PTPRO: variants seen among roughly 807,000 people sequenced by gnomAD.
The protein encoded by PTPRO is protein tyrosine phosphatase receptor type O.
In PTPRO, 62 loss-of-function variants were observed where a neutral mutation model predicts 145.2. The ratio of observed to expected loss-of-function variants is 0.43; its 90% CI spans 0.35 to 0.53. The LOEUF is 0.53. Ranked by LOEUF, PTPRO falls within the 20% of genes least tolerant of loss-of-function variation. The pLI, the probability that PTPRO is intolerant of heterozygous loss-of-function variation, is 0.01. For missense variants in PTPRO, 1,345 were observed against 1,482.7 expected, an observed-to-expected ratio of 0.91 and a Z score of 1.53; for synonymous variants, 565 against 514.7, an observed-to-expected ratio of 1.10 and a Z score of -1.32.
intron 19 of PTPRO, among the ~76,000 whole-genome samples, chr12:15,578,615 G>GT (rs1207170059): frequency 6.6e-6 from 1 of 152,182 alleles, no homozygotes; most frequent in Non-Finnish European, 1.5e-5. Flanking sequence ...TAGATGGCAG[G>GT]CACACAAGAG....
At chr12:15,390,776 G>A (rs1367079864) in intron 1 of PTPRO, among the ~76,000 whole-genome samples, 1 of 151,788 alleles carries the variant, frequency 6.6e-6, no homozygotes. Flanking sequence ...TGGTCTGAGA[G>A]GATAAGAAAT....
rs373297541 is a variant in PTPRO, at chr12:15,507,083, G to T, written c.1268-1488G>T. ...CTCAGTTTTCACATCTGAAAAGTGAGATTTAATAAAAGTACTTATTTCATT... is the reference window on the plus strand; with the variant it reads ...CTCAGTTTTCACATCTGAAAAGTGATATTTAATAAAAGTACTTATTTCATT... On this transcript the variant is annotated intron_variant, in intron 6 of 26. Transcript: ENST00000281171. 2.6e-5 allele frequency among the ~76,000 whole-genome samples: 4 copies of T among 152,070 alleles called. No homozygotes were observed. In the East Asian group the frequency reaches 7.7e-4, roughly 29 times the overall value.
chr12:15,531,264 A>G lies in PTPRO; in HGVS notation c.2164+5002A>G, dbSNP rs142586935. On this transcript the variant is annotated intron_variant, in intron 12 of 26. Transcript: ENST00000281171. ...CAGGTCCTGATGGCTTGACCCCTGA[A>G]TTTCACCAGACATTTAAAGAAGGAC... 2.6e-4 allele frequency among the ~76,000 whole-genome samples: 40 copies of G among 152,256 alleles called. 1 individual carries two copies. The highest frequency in any genetic ancestry group is 9.4e-4 in the African/African-American group (39 of 41,582).
intron 23 of PTPRO, among the ~76,000 whole-genome samples, chr12:15,584,320 T>C (rs1053275418): frequency 2.0e-5 from 3 of 152,374 alleles, no homozygotes; most frequent in Non-Finnish European, 4.4e-5. Flanking sequence ...CTGTTTTTTG[T>C]TCTTAGATAT....
chr12:15,472,664 C>T (rs976708711), intron 1 of PTPRO, among the ~76,000 whole-genome samples: 1 of 152,322 alleles, frequency 6.6e-6, no homozygotes, highest in South Asian at 2.1e-4. Flanking sequence ...TGGCACTGAA[C>T]AGTTCTCTTG....
chr12:15,354,977 A>G (rs547511244), intron 1 of PTPRO, among the ~76,000 whole-genome samples: 14 of 152,214 alleles, frequency 9.2e-5, no homozygotes, highest in South Asian at 2.1e-4. Flanking sequence ...TTTCCCCCCA[A>G]TACATTTTCC....
At chr12:15,434,953 T>A (rs888111458) in intron 1 of PTPRO, among the ~76,000 whole-genome samples, 2 of 152,220 alleles carry the variant, frequency 1.3e-5, no homozygotes, top group Non-Finnish European at 2.9e-5. Context: ...ATAGGTGCTT[T>A]TGCAAAGAAG....
At chr12:15,587,428 G>A (rs765274076) in intron 24 of PTPRO, among the ~76,000 whole-genome samples, 1 of 152,142 alleles carries the variant, frequency 6.6e-6, no homozygotes, top group African/African-American at 2.4e-5. Flanking sequence ...ATTCTGGGTA[G>A]TTACAACATG....
intron 25 of PTPRO, among the ~76,000 whole-genome samples, chr12:15,591,366 A>G (rs1295711179): frequency 6.6e-6 from 1 of 151,872 alleles, no homozygotes; most frequent in Non-Finnish European, 1.5e-5. Flanking sequence ...GTGAGACTCC[A>G]TCTCAAAAAA....
chr12:15,512,574 T>C (rs1335857497), intron 7 of PTPRO, among the ~76,000 whole-genome samples: 2 of 152,256 alleles, frequency 1.3e-5, no homozygotes, highest in African/African-American at 4.8e-5. Context: ...TGTTCTTTTA[T>C]TGGGTGAGCA....
At chr12:15,328,819 A>G (rs1030341232) in intron 1 of PTPRO, among the ~76,000 whole-genome samples, 3 of 152,150 alleles carry the variant, frequency 2.0e-5, no homozygotes, top group Non-Finnish European at 2.9e-5. Flanking sequence ...TTCTAACAAA[A>G]CTATTTCTAT....
intron 7 of PTPRO, among the ~76,000 whole-genome samples, chr12:15,513,537 C>T (rs1284134252): frequency 6.6e-6 from 1 of 152,050 alleles, no homozygotes; most frequent in African/African-American, 2.4e-5. Context: ...GAAGTTGTAC[C>T]AATTCAGATT....
intron 1 of PTPRO, among the ~76,000 whole-genome samples, chr12:15,371,715 G>GTAATCCACA: frequency 6.6e-6 from 1 of 152,014 alleles, no homozygotes; most frequent in Non-Finnish European, 1.5e-5. Flanking sequence ...ATCTTGAATT[G>GTAATCCACA]TAATCCCCAT....
At chr12:15,335,310 C>T (rs1866727126) in intron 1 of PTPRO, among the ~76,000 whole-genome samples, 2 of 151,908 alleles carry the variant, frequency 1.3e-5, no homozygotes, top group African/African-American at 4.8e-5. Flanking sequence ...TAGTAAAAGA[C>T]CGAGGGAATG....
At chr12:15,552,742 T>A (rs1402285582) in intron 15 of PTPRO, among the ~76,000 whole-genome samples, 4 of 151,526 alleles carry the variant, frequency 2.6e-5, no homozygotes, top group Non-Finnish European at 5.9e-5. Flanking sequence ...AGATGTGGGA[T>A]TGCACTGTAA....
chr12:15,515,613 C>A lies in PTPRO; in HGVS notation c.1580C>A (p.Ala527Asp), dbSNP rs1942560291. 1 of 1,613,830 alleles carries A rather than the reference C, an allele frequency of 6.2e-7. No homozygotes were observed. The highest frequency in any genetic ancestry group is 1.3e-5 in the African/African-American group (1 of 74,868). Residue 527 changes from alanine to aspartate, a missense_variant, in exon 8 of 27, where the codon GCT (alanine) becomes GAT (aspartate). Physicochemically the swap from Ala to Asp is moderately radical, Grantham distance 126 (BLOSUM62 -2). This residue lies in a region of PTPRO where 1,130 missense variants were observed against 1,214.7 expected (regional missense o/e 0.93). Coordinates refer to ENST00000281171, the MANE Select transcript of PTPRO (RefSeq NM_030667.3). ...CCACCTTCAGATCCTGTGACATTTG[C>A]TATTGGTAAGTTGCTAGCCACAAGA... ...IGPPSDPVTF[A>D]IVPTGIKDLM...
chr12:15,507,512 C>A (rs1942347984), intron 6 of PTPRO, among the ~76,000 whole-genome samples: 1 of 152,094 alleles, frequency 6.6e-6, no homozygotes, highest in Non-Finnish European at 1.5e-5. Context: ...AAACAGTTTA[C>A]ATGCTGAAAA....
At chr12:15,522,549 T>A (rs1942747253) in intron 10 of PTPRO, among the ~76,000 whole-genome samples, 1 of 152,160 alleles carries the variant, frequency 6.6e-6, no homozygotes, top group South Asian at 2.1e-4. Flanking sequence ...TGTGTGTGAT[T>A]TTTTTTACCT....
At chr12:15,516,588 G>A (rs975404156) in intron 8 of PTPRO, among the ~76,000 whole-genome samples, 175 bp from the exon 9 acceptor site, 2 of 133,102 alleles carry the variant, frequency 1.5e-5, no homozygotes, top group African/African-American at 5.9e-5. Flanking sequence ...GAGGGAGGAA[G>A]GAAGGGGAGG....
Sources: gnomAD v4.1 joint callset for allele counts (sites outside exome capture counted in the v4.1 genomes callset) on GRCh38, gnomAD v4.1.1 for gene constraint, gnomAD v4.1.1 regional missense constraint, MANE v1.5 for transcripts, NCBI Gene and HGNC (gene_info 2026-07-23, HGNC 2026-07-21) for gene names.